Variants in SNX29 observed in about 807,000 individuals in gnomAD.
SNX29 encodes sorting nexin 29, also known as sorting nexin-29.
Under a neutral mutation model 102.1 loss-of-function variants are expected in SNX29, and 78 were observed. That is an observed-to-expected ratio of 0.76 (90% CI 0.64 to 0.92). The LOEUF is 0.92. SNX29 is among the 40% of genes least tolerant of loss of function. SNX29 has a pLI of 0.00. For synonymous variants in SNX29, 580 were observed against 414.5 expected, an observed-to-expected ratio of 1.40 and a Z score of -4.85; for missense variants, 1,280 against 1,061.7, an observed-to-expected ratio of 1.21 and a Z score of -2.86.
chr16:12,511,561 T>A (rs904820400), intron 19 of SNX29, among the ~76,000 whole-genome samples: 1 of 152,206 alleles, frequency 6.6e-6, no homozygotes, highest in Non-Finnish European at 1.5e-5. Flanking sequence ...GTTCCTTTCC[T>A]GAAATAGAGA....
rs372583189 is a variant in SNX29 at position 12,557,786 on chromosome 16, G to C, written c.2319-10720G>C. ...AACAGATATTTTTCAGCTCCATCAC[G>C]ATCTTACAGGATCACTATCATATCT... On this transcript the variant is annotated intron_variant, in intron 20 of 20. Transcript: ENST00000566228. 1.2e-4 allele frequency: 18 copies of C among 152,152 alleles called. No individual in the cohort carries two copies. In the East Asian group the frequency reaches 1.3e-3, roughly 11 times the overall value. 9.4% of individuals were successfully genotyped at this position (152,152 alleles called of 1,614,324 possible).
At chr16:12,389,310 C>G (rs1421453736) in intron 16 of SNX29, among the ~76,000 whole-genome samples, 1 of 152,178 alleles carries the variant, frequency 6.6e-6, no homozygotes, top group Non-Finnish European at 1.5e-5. Flanking sequence ...TTGTAGCCCC[C>G]ACCATTCCCA....
intron 13 of SNX29, among the ~76,000 whole-genome samples, chr16:12,154,507 A>G (rs1013423831): frequency 1.3e-5 from 2 of 152,036 alleles, no homozygotes; most frequent in African/African-American, 2.4e-5. Context: ...TGTCGCCCCT[A>G]TTAGACTCAG....
At chr16:12,151,665 C>T (rs753218845) in intron 13 of SNX29, among the ~76,000 whole-genome samples, 7 of 152,118 alleles carry the variant, frequency 4.6e-5, no homozygotes, top group Non-Finnish European at 1.0e-4. Context: ...AGTCATTTCC[C>T]CTCCTCATTA....
chr16:12,139,052 A>AT (rs1013343434), intron 13 of SNX29, among the ~76,000 whole-genome samples: 2 of 152,026 alleles, frequency 1.3e-5, no homozygotes, highest in Non-Finnish European at 2.9e-5. Context: ...AAATACAAAA[A>AT]TTAGCTGGGT....
chr16:12,177,905 A>T (rs1057228024), intron 13 of SNX29, among the ~76,000 whole-genome samples: 1 of 152,134 alleles, frequency 6.6e-6, no homozygotes, highest in South Asian at 2.1e-4. Context: ...TTGTTGGGAG[A>T]ACACTCTGTG....
chr16:12,424,724 G>T (rs2084991707), intron 18 of SNX29, among the ~76,000 whole-genome samples: 1 of 152,276 alleles, frequency 6.6e-6, no homozygotes, highest in South Asian at 2.1e-4. Context: ...TATCTGGGGG[G>T]ATACCTGTAA....
chr16:12,442,901 A>G (rs1189673182), intron 18 of SNX29: 1 of 421,724 alleles, frequency 2.4e-6, no homozygotes, highest in Non-Finnish European at 4.8e-6. Flanking sequence ...CTGTGTTCAA[A>G]AAAAACTTTT....
intron 11 of SNX29, among the ~76,000 whole-genome samples, chr16:12,122,850 G>A (rs139328318): frequency 1.0e-3 from 155 of 151,986 alleles, no homozygotes; most frequent in African/African-American, 3.3e-3. Flanking sequence ...TTTTCTAGGC[G>A]GAGTCTCACT....
intron 16 of SNX29, chr16:12,373,817 G>A (rs548668519): frequency 6.6e-6 from 1 of 152,120 alleles, no homozygotes; most frequent in African/African-American, 2.4e-5. Context: ...AACCACCAAG[G>A]GACTGTGGGT....
chr16:12,068,314 CA>C (rs767382504), intron 9 of SNX29, among the ~76,000 whole-genome samples: 4 of 149,302 alleles, frequency 2.7e-5, no homozygotes, highest in Admixed American at 1.3e-4. Context: ...CCCATCTCTA[CA>C]AAAAAAAATA....
chr16:12,386,527 G>A (rs1184730246), intron 16 of SNX29, among the ~76,000 whole-genome samples: 1 of 152,156 alleles, frequency 6.6e-6, no homozygotes, highest in East Asian at 1.9e-4. Flanking sequence ...CCTGTTCTCA[G>A]TCCACTGGCC....
chr16:12,268,800 C>T (rs184003066), intron 14 of SNX29, among the ~76,000 whole-genome samples: 5 of 152,332 alleles, frequency 3.3e-5, no homozygotes, highest in African/African-American at 7.2e-5. Context: ...ACAGTAACCT[C>T]ATCATACTGT....
chr16:12,563,625 G>A (rs1454192504), intron 20 of SNX29, among the ~76,000 whole-genome samples: 1 of 152,108 alleles, frequency 6.6e-6, no homozygotes, highest in Non-Finnish European at 1.5e-5. Flanking sequence ...AGACGAGACT[G>A]TCCTGGCCCC....
chr16:12,543,563 G>C (rs728584), intron 20 of SNX29, among the ~76,000 whole-genome samples: 17,273 of 152,178 alleles, frequency 0.11, 1,318 homozygotes, highest in Non-Finnish European at 0.16. Flanking sequence ...ACTGAGCCAC[G>C]AGATCACGCT....
chr16:12,496,970 G>A (rs1597612458), intron 19 of SNX29, among the ~76,000 whole-genome samples: 1 of 152,334 alleles, frequency 6.6e-6, no homozygotes, highest in East Asian at 1.9e-4. Context: ...AGGTGCTCCT[G>A]CCCCTCACCA....
intron 18 of SNX29, among the ~76,000 whole-genome samples, chr16:12,470,139 C>T (rs1179256440): frequency 6.6e-6 from 1 of 152,218 alleles, no homozygotes; most frequent in Non-Finnish European, 1.5e-5. Context: ...AAAGTTCCAG[C>T]TAATACTAGT....
chr16:12,398,866 C>T (rs569370995), intron 17 of SNX29, among the ~76,000 whole-genome samples: 5 of 152,270 alleles, frequency 3.3e-5, no homozygotes, highest in South Asian at 2.1e-4. Flanking sequence ...GGGCATGTGC[C>T]GTCCAATTGA....
rs77004922 is a variant in SNX29 at position 12,409,118 on chromosome 16, C to T, written c.2037+5589C>T. 5.8e-3 allele frequency among the ~76,000 whole-genome samples: 889 copies of T among 152,328 alleles called. 10 individuals are homozygous for T. The highest frequency in any genetic ancestry group is 0.02 in the African/African-American group (835 of 41,576). On this transcript the variant is annotated intron_variant, in intron 18 of 20. Coordinates refer to ENST00000566228, the MANE Select transcript of SNX29 (RefSeq NM_032167.5). ...GGAGAGTTCCTGATTTTAAGTTTTT[C>T]ATCCGTGAGTACTTCTTACACGGTA...
Sources: gnomAD v4.1 joint callset for allele counts (sites outside exome capture counted in the v4.1 genomes callset) on GRCh38, gnomAD v4.1.1 for gene constraint, MANE v1.5 for transcripts, NCBI Gene and HGNC (gene_info 2026-07-23, HGNC 2026-07-21) for gene names.